Variants in ECH1 observed in about 807,000 individuals in gnomAD.
ECH1 encodes delta(3,5)-Delta(2,4)-dienoyl-CoA isomerase, mitochondrial.
A neutral mutation model predicts 37.0 loss-of-function variants in ECH1; 30 were observed. The observed-to-expected ratio is 0.81, with a 90% CI of 0.61 to 1.10. The LOEUF (loss-of-function observed/expected upper bound fraction) is 1.10, where lower values mean the gene tolerates loss of function less well. Ranked by LOEUF, ECH1 falls within the 50% of genes least tolerant of loss-of-function variation. The pLI is 0.00. For synonymous variants in ECH1, 178 were observed against 176.0 expected, an observed-to-expected ratio of 1.01 and a Z score of -0.09; for missense variants, 456 against 441.6, an observed-to-expected ratio of 1.03 and a Z score of -0.29.
rs1971563018 is a variant in ECH1, at chr19:38,815,732, G to GT, written c.883-16dup. 1.9e-6 allele frequency: 3 copies of GT among 1,614,118 alleles called. No homozygotes were observed. On this transcript the variant is annotated splice_polypyrimidine_tract_variant and intron_variant, in intron 9 of 9. Transcript: ENST00000221418. ...TTCCAGGACGCCTGGTACCGAGGGT[G>GT]TTGAGAGAGAACGAGGAGAGAGATT...
intron 3 of ECH1, among the ~76,000 whole-genome samples, chr19:38,827,822 C>T (rs2145386639): frequency 6.6e-6 from 1 of 152,138 alleles, no homozygotes; most frequent in Non-Finnish European, 1.5e-5. Flanking sequence ...ATTCATCACA[C>T]CCAGCTAATT....
chr19:38,826,670 C>CTA (rs1027055315), intron 3 of ECH1, among the ~76,000 whole-genome samples: 43 of 152,340 alleles, frequency 2.8e-4, no homozygotes, highest in African/African-American at 6.5e-4. Context: ...CCCCTACACT[C>CTA]TGACTCCCAG....
chr19:38,827,668 T>G (rs1971758961), intron 3 of ECH1, among the ~76,000 whole-genome samples: 1 of 152,126 alleles, frequency 6.6e-6, no homozygotes, highest in Non-Finnish European at 1.5e-5. Context: ...TGTATGTTTT[T>G]GTTGTTGTTT....
chr19:38,821,599 C>T (rs1419164667), intron 3 of ECH1, among the ~76,000 whole-genome samples: 2 of 152,204 alleles, frequency 1.3e-5, no homozygotes, highest in African/African-American at 2.4e-5. Context: ...AGTGGTGGGC[C>T]GGCGCCACCT....
At chr19:38,817,021 C>A (rs894136538) in intron 6 of ECH1, 44 bp downstream of exon 6, 4 of 1,551,334 alleles carry the variant, frequency 2.6e-6, no homozygotes, top group African/African-American at 2.7e-5. Flanking sequence ...CCCAACCTCA[C>A]CCCACTGCCC....
intron 3 of ECH1, among the ~76,000 whole-genome samples, chr19:38,824,337 T>C (rs1182067244): frequency 6.6e-6 from 1 of 152,204 alleles, no homozygotes; most frequent in African/African-American, 2.4e-5. Flanking sequence ...GCTGCGTTGA[T>C]GAGCACAACT....
At position 38,831,419 on chromosome 19, in the gene ECH1, G is replaced by A; in HGVS notation, c.150C>T (p.Ala50=). The part of the protein sequence containing the change: ...EEASGVALGE[A]PDHSYESLRV... ...GAAGGGACTCATAGCTGTGGTCTGG[G>A]GCTTCACCGAGGGCTACTCCGGAAG... is the stretch of plus-strand genomic sequence containing the variant. The change falls in exon 2 of 10, where the codon GCC becomes GCT. Residue 50 remains alanine (A), a synonymous_variant. Transcript: ENST00000221418. The A allele has an allele frequency of 6.2e-7, 1 of 1,614,032 alleles. No individual in the cohort carries two copies. The highest frequency in any genetic ancestry group is 8.5e-7 in the Non-Finnish European group (1 of 1,180,032).
intron 7 of ECH1, 33 bp from the exon 8 acceptor site, chr19:38,816,388 G>A: frequency 6.2e-7 from 1 of 1,613,870 alleles, no homozygotes; most frequent in Non-Finnish European, 8.5e-7. Context: ...GGAGGCGGCT[G>A]CCACCCCGGG....
chr19:38,827,820 C>T (rs1971760674), intron 3 of ECH1, among the ~76,000 whole-genome samples: 1 of 152,130 alleles, frequency 6.6e-6, no homozygotes, highest in African/African-American at 2.4e-5. Context: ...TCATTCATCA[C>T]ACCCAGCTAA....
chr19:38,827,729 C>T (rs1432825604), intron 3 of ECH1, among the ~76,000 whole-genome samples: 3 of 152,064 alleles, frequency 2.0e-5, no homozygotes, highest in East Asian at 1.9e-4. Context: ...TGCAGTGGCA[C>T]GACCACAGCT....
intron 3 of ECH1, 37 bp from the exon 4 acceptor site, chr19:38,817,612 C>T (rs757997346): frequency 6.4e-6 from 10 of 1,556,990 alleles, no homozygotes; most frequent in South Asian, 1.2e-5. Context: ...TCCAGGCTCC[C>T]AGGCCCCACC....
In ECH1 at chr19:38,815,957, G is replaced by T. The variant is rs200226678; in HGVS notation, c.782C>A (p.Ala261Glu). 2.2e-5 allele frequency: 35 copies of T among 1,614,086 alleles called. No homozygotes were observed. In the East Asian group the frequency reaches 2.7e-4, roughly 12 times the overall value. Residue 261 changes from alanine to glutamate, a missense_variant, in exon 9 of 10, where the codon GCG (alanine) becomes GAG (glutamate). Coordinates refer to ENST00000221418, the MANE Select transcript of ECH1 (RefSeq NM_001398.3). Reference protein sequence around the residue: ...EVMLDAALALAAEISSKSPVA... With the variant: ...EVMLDAALALEAEISSKSPVA... ...GGGGCTCTTGCTGGAAATCTCGGCCGCCAGCGCTAAGGCAGCATCCAGCAT... is the reference window on the plus strand; with the variant it reads ...GGGGCTCTTGCTGGAAATCTCGGCCTCCAGCGCTAAGGCAGCATCCAGCAT...
chr19:38,819,273 T>C, intron 3 of ECH1: 1 of 966,638 alleles, frequency 1.0e-6, no homozygotes. Flanking sequence ...GCCAAGGACC[T>C]TTGGGCTGAC....
At chr19:38,816,930 G>T in intron 6 of ECH1, 135 bp downstream of exon 6, 1 of 1,032,100 alleles carries the variant, frequency 9.7e-7, no homozygotes. Context: ...TTCACCTCTT[G>T]ACTTCCTCTA....
chr19:38,823,947 G>T (rs1191380443), intron 3 of ECH1, among the ~76,000 whole-genome samples: 1 of 152,114 alleles, frequency 6.6e-6, no homozygotes, highest in African/African-American at 2.4e-5. Flanking sequence ...CAATCAGAAA[G>T]ACATAATTTT....
chr19:38,824,814 T>A (rs1014656929), intron 3 of ECH1, among the ~76,000 whole-genome samples: 1 of 152,164 alleles, frequency 6.6e-6, no homozygotes, highest in Non-Finnish European at 1.5e-5. Context: ...AATGATAATC[T>A]TCCTCTAATC....
At chr19:38,819,321 C>T (rs891433867) in intron 3 of ECH1, 1 of 685,658 alleles carries the variant, frequency 1.5e-6, no homozygotes, top group Non-Finnish European at 1.8e-6. Context: ...AGACTGACTC[C>T]TTCACTTCCT....
intron 3 of ECH1, among the ~76,000 whole-genome samples, chr19:38,821,571 C>T (rs972830948): frequency 6.6e-5 from 10 of 152,124 alleles, no homozygotes; most frequent in African/African-American, 2.2e-4. Flanking sequence ...GGTGTGAGCT[C>T]GGCGACCCCG....
chr19:38,817,152 G>A, intron 5 of ECH1, 23 bp from the exon 6 acceptor site: 1 of 1,559,736 alleles, frequency 6.4e-7, no homozygotes, highest in South Asian at 1.2e-5. Flanking sequence ...GGCCAGGGAT[G>A]CTGAATGACC....
Sources: allele counts gnomAD v4.1 joint callset (sites outside exome capture counted in the v4.1 genomes callset), GRCh38; gene constraint gnomAD v4.1.1; transcripts MANE v1.5; gene names NCBI Gene and HGNC (gene_info 2026-07-23, HGNC 2026-07-21).